The following PLPP4 variants were observed in gnomAD, a reference collection of about 807,000 sequenced individuals.
The protein encoded by PLPP4 is phospholipid phosphatase 4.
In PLPP4, 20 loss-of-function variants were observed where a neutral mutation model predicts 32.2. That is an observed-to-expected ratio of 0.62 (90% CI 0.44 to 0.90). PLPP4 has a LOEUF of 0.90. Ranked by LOEUF, PLPP4 falls within the 40% of genes least tolerant of loss-of-function variation. The probability of loss-of-function intolerance (pLI) is 0.00; values close to 1 mark genes in which losing one functional copy is unlikely to be tolerated. For missense variants in PLPP4, 257 were observed against 353.1 expected (o/e 0.73, Z 2.18); for synonymous variants, 127 against 133.0 (o/e 0.95, Z 0.31).
chr10:120,569,371 C>T lies in PLPP4; in HGVS notation c.446-5760C>T, dbSNP rs149813970. ...TTCCTCCCGCTATCATTTTTCTTCC[C>T]ACCACTGTTCTTCCTCTGCACTTCT... On this transcript the variant is annotated intron_variant, in intron 5 of 6. Transcript: ENST00000398250. Among the ~76,000 whole-genome samples, 4 of 152,276 alleles carry T rather than the reference C, an allele frequency of 2.6e-5. No homozygotes were observed. The East Asian group carries it at 7.7e-4, about 29-fold the overall frequency.
intron 5 of PLPP4, among the ~76,000 whole-genome samples, chr10:120,524,670 T>C (rs1207737275): frequency 6.6e-6 from 1 of 152,208 alleles, no homozygotes; most frequent in Non-Finnish European, 1.5e-5. Flanking sequence ...GCAAACAGCA[T>C]TTCCCCATGG....
intron 5 of PLPP4, among the ~76,000 whole-genome samples, chr10:120,554,416 G>GT (rs964038042): frequency 6.6e-6 from 1 of 151,134 alleles, no homozygotes; most frequent in Non-Finnish European, 1.5e-5. Context: ...TCTCTAGGAA[G>GT]TTCCAAACTC....
At chr10:120,514,464 A>G (rs759941198) in intron 3 of PLPP4, among the ~76,000 whole-genome samples, 7 of 152,216 alleles carry the variant, frequency 4.6e-5, no homozygotes, top group Non-Finnish European at 1.0e-4. Flanking sequence ...AATAAAATAG[A>G]TATTACAAAC....
chr10:120,512,886 C>T (rs1301235237), intron 2 of PLPP4, among the ~76,000 whole-genome samples: 1 of 152,116 alleles, frequency 6.6e-6, no homozygotes, highest in Admixed American at 6.5e-5. Context: ...AACCCCTCTC[C>T]AAAAAGTGAT....
intron 4 of PLPP4, 27 bp downstream of exon 4, chr10:120,518,923 G>C: frequency 6.3e-7 from 1 of 1,585,702 alleles, no homozygotes; most frequent in Non-Finnish European, 8.6e-7. Context: ...ATGAAATGGT[G>C]ACTTAGACTA....
intron 6 of PLPP4, among the ~76,000 whole-genome samples, chr10:120,575,835 T>G (rs1849198392): frequency 6.6e-6 from 1 of 152,134 alleles, no homozygotes; most frequent in Non-Finnish European, 1.5e-5. Flanking sequence ...TTGTTAAAAA[T>G]CAAAATAACA....
intron 5 of PLPP4, among the ~76,000 whole-genome samples, chr10:120,569,703 A>G (rs183000305): frequency 7.2e-5 from 11 of 152,368 alleles, no homozygotes; most frequent in Admixed American, 5.9e-4. Context: ...TTCTGTCCCC[A>G]AGGACCTTGG....
intron 6 of PLPP4, chr10:120,581,412 A>G (rs978688464): frequency 8.3e-6 from 5 of 599,014 alleles, no homozygotes; most frequent in Admixed American, 6.3e-5. Context: ...TTGGCCCTCA[A>G]CTGCATTTGG....
intron 5 of PLPP4, among the ~76,000 whole-genome samples, chr10:120,563,556 T>C (rs1408108046): frequency 6.6e-6 from 1 of 151,026 alleles, no homozygotes; most frequent in Non-Finnish European, 1.5e-5. Context: ...ATCCCAGCAC[T>C]TTGGGAGGCC....
chr10:120,504,644 T>G lies in PLPP4; in HGVS notation c.165+718T>G, dbSNP rs1831017. ...ACTAAGACGAGCTTTGAAGAGGAAC[T>G]TTTCTACTTTCTACAAGTCATTGCC... On this transcript the variant is annotated intron_variant, in intron 2 of 6. Transcript: ENST00000398250. 4.0e-3 allele frequency among the ~76,000 whole-genome samples: 608 copies of G among 152,332 alleles called. 4 individuals are homozygous for G. Among genetic ancestry groups the G allele is most frequent in the African/African-American group, 0.014 (585 of 41,570 alleles).
intron 1 of PLPP4, among the ~76,000 whole-genome samples, chr10:120,488,357 A>G (rs544335887): frequency 6.6e-6 from 1 of 152,348 alleles, no homozygotes; most frequent in Admixed American, 6.5e-5. Context: ...CATTTATTAA[A>G]CCTGCTTACT....
rs556516935 is a variant in PLPP4, at chr10:120,480,545, CA to C, written c.56+23186del. On this transcript the variant is annotated intron_variant, in intron 1 of 6. Transcript: ENST00000398250. ...ACAGAGAGGATGCATCTGAAACTAA[CA>C]AGGTAAATCCTAACAGGATTACACA... 1.7e-3 allele frequency among the ~76,000 whole-genome samples: 264 copies of C among 152,278 alleles called. 2 individuals are homozygous for C. Among genetic ancestry groups the C allele is most frequent in the African/African-American group, 5.9e-3 (247 of 41,546 alleles).
rs1052261552 is a variant in PLPP4 at position 120,521,532 on chromosome 10, A to G, written c.445+437A>G. Among the ~76,000 whole-genome samples the G allele has an allele frequency of 2.6e-5, 4 of 152,222 alleles. No individual in the cohort carries two copies. In the East Asian group the frequency reaches 5.8e-4, roughly 22 times the overall value. On this transcript the variant is annotated intron_variant, in intron 5 of 6. Coordinates refer to ENST00000398250, the MANE Select transcript of PLPP4 (RefSeq NM_001030059.3). ...ACATACATATGTTACATGTATATAC[A>G]TATACTTTCCCCCATGCCTCCAGTT... is the stretch of plus-strand genomic sequence containing the variant.
intron 6 of PLPP4, among the ~76,000 whole-genome samples, chr10:120,587,787 G>C (rs1024987906): frequency 2.0e-5 from 3 of 152,226 alleles, no homozygotes; most frequent in Non-Finnish European, 2.9e-5. Context: ...TACAGGAGAT[G>C]CAGGGACATT....
chr10:120,479,038 A>G (rs552534674), intron 1 of PLPP4, among the ~76,000 whole-genome samples: 5 of 152,326 alleles, frequency 3.3e-5, no homozygotes, highest in African/African-American at 1.2e-4. Flanking sequence ...CATCCTGGCT[A>G]ACATGGTGAA....
At chr10:120,543,412 C>G (rs1467154117) in intron 5 of PLPP4, among the ~76,000 whole-genome samples, 1 of 152,192 alleles carries the variant, frequency 6.6e-6, no homozygotes, top group East Asian at 1.9e-4. Context: ...AGAGCTGGAG[C>G]TTGTGAAGCC....
intron 1 of PLPP4, among the ~76,000 whole-genome samples, chr10:120,460,267 G>A (rs888876836): frequency 2.6e-5 from 4 of 152,214 alleles, no homozygotes; most frequent in African/African-American, 9.7e-5. Context: ...CTTACTCATG[G>A]ATTGTGGGCA....
intron 5 of PLPP4, among the ~76,000 whole-genome samples, chr10:120,523,608 C>A (rs543137066): frequency 1.1e-3 from 160 of 152,248 alleles, no homozygotes; most frequent in African/African-American, 3.7e-3. Flanking sequence ...TAGGGTCACT[C>A]AAGTTCTCTT....
intron 2 of PLPP4, among the ~76,000 whole-genome samples, chr10:120,507,866 A>G (rs1440819896): frequency 6.6e-6 from 1 of 152,204 alleles, no homozygotes; most frequent in Non-Finnish European, 1.5e-5. Flanking sequence ...TGAATAAGAT[A>G]TGGTTTCTAG....
Sources: gnomAD v4.1 joint callset for allele counts (sites outside exome capture counted in the v4.1 genomes callset) on GRCh38, gnomAD v4.1.1 for gene constraint, MANE v1.5 for transcripts, NCBI Gene and HGNC (gene_info 2026-07-23, HGNC 2026-07-21) for gene names.